The following HIVEP1 variants were observed in gnomAD, a reference collection of about 807,000 sequenced individuals.
The protein encoded by HIVEP1 is zinc finger protein 40.
HIVEP1 carries 36 observed loss-of-function variants against 180.0 expected under a neutral mutation model. The ratio of observed to expected loss-of-function variants is 0.20; its 90% CI spans 0.15 to 0.26. The LOEUF (loss-of-function observed/expected upper bound fraction) is 0.26, where lower values mean the gene tolerates loss of function less well. Ranked by LOEUF, HIVEP1 falls within the 10% of genes least tolerant of loss-of-function variation. HIVEP1 has a pLI of 1.00. For synonymous variants in HIVEP1, 1,239 were observed against 1,239.0 expected, an observed-to-expected ratio of 1.00 and a Z score of 0.00; for missense variants, 3,143 against 3,268.7, an observed-to-expected ratio of 0.96 and a Z score of 0.94.
chr6:12,120,859 C>T lies in HIVEP1; in HGVS notation c.1064C>T (p.Ala355Val), dbSNP rs1419236765. 1.2e-6 allele frequency: 2 copies of T among 1,614,176 alleles called. No individual in the cohort carries two copies. Among genetic ancestry groups the T allele is most frequent in the South Asian group, 2.2e-5 (2 of 91,086 alleles). Residue 355 changes from alanine (A) to valine (V), a missense_variant, in exon 4 of 9, where the codon GCT (alanine) becomes GTT (valine). Ala to Val is a moderately conservative substitution (Grantham distance 64). Coordinates refer to ENST00000379388, the MANE Select transcript of HIVEP1 (RefSeq NM_002114.4). ...VTPQNQQMDS[A>V]SPLSISPANS... ...CCTCAAAACCAGCAAATGGATTCTGCTTCACCTTTGTCAATAAGTCCGGCT... is the reference window on the plus strand; with the variant it reads ...CCTCAAAACCAGCAAATGGATTCTGTTTCACCTTTGTCAATAAGTCCGGCT...
intron 2 of HIVEP1, 94 bp downstream of exon 2, chr6:12,015,762 A>G (rs2113566308): frequency 8.8e-7 from 1 of 1,139,914 alleles, no homozygotes; most frequent in Non-Finnish European, 1.3e-6. Flanking sequence ...TTAGATGTTG[A>G]CCCTGCCTGG....
the HIVEP1 span, among the ~76,000 whole-genome samples, chr6:12,193,982 G>C: frequency 1.3e-5 from 2 of 152,178 alleles, no homozygotes; most frequent in Admixed American, 6.5e-5. Flanking sequence ...GCTTTTGCAT[G>C]ATGGGTCTAG....
chr6:12,139,535 C>T (rs1275422724), intron 7 of HIVEP1, among the ~76,000 whole-genome samples: 4 of 152,234 alleles, frequency 2.6e-5, no homozygotes, highest in South Asian at 2.1e-4. Flanking sequence ...GGCAAGGCAT[C>T]GCCTCACCCA....
chr6:12,056,688 A>G (rs999241044), intron 2 of HIVEP1, among the ~76,000 whole-genome samples: 16 of 152,168 alleles, frequency 1.1e-4, no homozygotes, highest in African/African-American at 3.6e-4. Context: ...ATCAAATACT[A>G]TCATTGGTAA....
At chr6:12,058,814 A>G (rs2113744824) in intron 2 of HIVEP1, among the ~76,000 whole-genome samples, 1 of 152,302 alleles carries the variant, frequency 6.6e-6, no homozygotes, top group South Asian at 2.1e-4. Context: ...GCAAAAGAAA[A>G]TTTTACCAAG....
At chr6:12,061,398 A>G (rs1771221851) in intron 2 of HIVEP1, among the ~76,000 whole-genome samples, 1 of 152,246 alleles carries the variant, frequency 6.6e-6, no homozygotes, top group Admixed American at 6.5e-5. Context: ...AGAAAAATCT[A>G]ATATGGTAGG....
chr6:12,081,160 C>T (rs997874722), intron 2 of HIVEP1, among the ~76,000 whole-genome samples: 2 of 152,154 alleles, frequency 1.3e-5, no homozygotes, highest in African/African-American at 2.4e-5. Context: ...AATATCCAAA[C>T]GTGGCATCCC....
intron 2 of HIVEP1, among the ~76,000 whole-genome samples, chr6:12,054,789 T>TA (rs1770755778): frequency 1.3e-5 from 2 of 152,258 alleles, no homozygotes; most frequent in African/African-American, 4.8e-5. Flanking sequence ...GTTGTGCTTC[T>TA]TGCTCATTAA....
intron 2 of HIVEP1, among the ~76,000 whole-genome samples, chr6:12,028,725 T>C (rs528421407): frequency 6.0e-4 from 91 of 152,240 alleles, no homozygotes; most frequent in Non-Finnish European, 1.1e-3. Context: ...ATAATTTACA[T>C]GCAATAAAAT....
chr6:12,130,509 G>A (rs1886072), intron 5 of HIVEP1, among the ~76,000 whole-genome samples: 4,380 of 152,148 alleles, frequency 0.029, 94 homozygotes, highest in Non-Finnish European at 0.046. Flanking sequence ...CTGGGCTCCA[G>A]CCTGGGCAAT....
chr6:12,036,664 G>A (rs1769294289), intron 2 of HIVEP1, among the ~76,000 whole-genome samples: 1 of 152,236 alleles, frequency 6.6e-6, no homozygotes, highest in Non-Finnish European at 1.5e-5. Flanking sequence ...AGTATTTTGG[G>A]AAGCTGAAGC....
intron 2 of HIVEP1, chr6:12,037,787 A>G (rs1270820545): frequency 1.3e-5 from 6 of 456,990 alleles, no homozygotes; most frequent in Non-Finnish European, 2.4e-5. Flanking sequence ...TGCAACCCCA[A>G]ACTTCTGGGG....
At chr6:12,177,419 T>C in the HIVEP1 span, among the ~76,000 whole-genome samples, 1 of 152,224 alleles carries the variant, frequency 6.6e-6, no homozygotes, top group Non-Finnish European at 1.5e-5. Flanking sequence ...CTCCTCTACC[T>C]ACAAGTTTTC....
chr6:12,188,723 C>T, the HIVEP1 span, among the ~76,000 whole-genome samples: 6 of 151,830 alleles, frequency 4.0e-5, no homozygotes, highest in Admixed American at 6.6e-5. Flanking sequence ...GAATGGTATG[C>T]CTTATTCCTG....
the HIVEP1 span, among the ~76,000 whole-genome samples, chr6:12,194,626 ACC>A: frequency 6.6e-6 from 1 of 152,062 alleles, no homozygotes; most frequent in Non-Finnish European, 1.5e-5. Flanking sequence ...ACATGCTGAA[ACC>A]CTGTCTCTAC....
At chr6:12,142,967 T>C (rs1759142276) in intron 7 of HIVEP1, among the ~76,000 whole-genome samples, 1 of 152,208 alleles carries the variant, frequency 6.6e-6, no homozygotes, top group Non-Finnish European at 1.5e-5. Context: ...AAAGAGGAGC[T>C]GGTACCATTC....
At chr6:12,144,679 A>G (rs1371464042) in intron 7 of HIVEP1, among the ~76,000 whole-genome samples, 1 of 152,224 alleles carries the variant, frequency 6.6e-6, no homozygotes, top group Non-Finnish European at 1.5e-5. Context: ...GTTTACAAGA[A>G]AAAAAACAAC....
At chr6:12,015,244 ATACTT>A (rs1767666064) in intron 1 of HIVEP1, among the ~76,000 whole-genome samples, 1 of 152,224 alleles carries the variant, frequency 6.6e-6, no homozygotes, top group African/African-American at 2.4e-5. Context: ...GCCTGATGCG[ATACTT>A]TACTTGTTCC....
intron 7 of HIVEP1, among the ~76,000 whole-genome samples, chr6:12,136,101 T>C (rs2113589941): frequency 6.6e-6 from 1 of 152,362 alleles, no homozygotes; most frequent in South Asian, 2.1e-4. Flanking sequence ...TTCATCTTTC[T>C]GAAGCATGTG....
Sources: allele counts gnomAD v4.1 joint callset (sites outside exome capture counted in the v4.1 genomes callset), GRCh38; gene constraint gnomAD v4.1.1; transcripts MANE v1.5; gene names NCBI Gene and HGNC (gene_info 2026-07-23, HGNC 2026-07-21).